LRBA: variants seen among roughly 807,000 people sequenced by gnomAD.
LRBA encodes lipopolysaccharide-responsive and beige-like anchor protein.
LRBA carries 176 observed loss-of-function variants against 330.0 expected under a neutral mutation model. That is an observed-to-expected ratio of 0.53 (90% CI 0.47 to 0.60). LRBA has a LOEUF of 0.60. Ranked by LOEUF, LRBA falls within the 20% of genes least tolerant of loss-of-function variation. The pLI is 0.00. For missense variants in LRBA, 3,259 were observed against 3,444.8 expected (o/e 0.95, Z 1.35); for synonymous variants, 1,230 against 1,193.0 (o/e 1.03, Z -0.64).
chr4:150,720,373 A>C (rs1582142248), intron 36 of LRBA, among the ~76,000 whole-genome samples: 1 of 152,288 alleles, frequency 6.6e-6, no homozygotes, highest in South Asian at 2.1e-4. Context: ...ACATAACAAA[A>C]ACATAATGCA....
At chr4:150,973,914 T>G (rs552656209) in intron 2 of LRBA, among the ~76,000 whole-genome samples, 3 of 152,180 alleles carry the variant, frequency 2.0e-5, no homozygotes, top group Non-Finnish European at 4.4e-5. Context: ...TCACTGCAAA[T>G]GAATCTATCA....
chr4:150,529,886 T>G (rs1167156240), intron 40 of LRBA, among the ~76,000 whole-genome samples: 1 of 152,138 alleles, frequency 6.6e-6, no homozygotes, highest in Admixed American at 6.5e-5. Flanking sequence ...ACTCAATAAT[T>G]TTTTTATTCT....
At chr4:150,475,115 G>C (rs1428996957) in intron 42 of LRBA, among the ~76,000 whole-genome samples, 3 of 152,146 alleles carry the variant, frequency 2.0e-5, no homozygotes, top group Non-Finnish European at 2.9e-5. Context: ...TGGCATTCCA[G>C]TGATAAAACC....
chr4:150,885,214 A>C (rs940966354), intron 17 of LRBA, among the ~76,000 whole-genome samples: 7 of 151,612 alleles, frequency 4.6e-5, no homozygotes, highest in Non-Finnish European at 8.8e-5. Context: ...AAAAAAAAAA[A>C]AAGGCACAGA....
At chr4:150,894,084 T>C (rs1361139670) in intron 16 of LRBA, among the ~76,000 whole-genome samples, 1 of 152,238 alleles carries the variant, frequency 6.6e-6, no homozygotes, top group Non-Finnish European at 1.5e-5. Context: ...CATGACTTTT[T>C]TTTAAGGAAG....
intron 46 of LRBA, among the ~76,000 whole-genome samples, chr4:150,432,179 A>T (rs1415047444): frequency 2.0e-5 from 3 of 152,046 alleles, no homozygotes; most frequent in Non-Finnish European, 4.4e-5. Context: ...GTTTTTGGAA[A>T]ATCTCACAAA....
intron 4 of LRBA, 111 bp downstream of exon 4, chr4:150,928,405 A>T: frequency 1.5e-6 from 1 of 669,066 alleles, no homozygotes; most frequent in East Asian, 2.7e-5. Flanking sequence ...TAATTAATCT[A>T]TTCAATTTGA....
At chr4:150,648,184 A>AAAAAAAAAAAAAAAAAAAAAAAAAG (rs1779378881) in intron 37 of LRBA, among the ~76,000 whole-genome samples, 1 of 149,066 alleles carries the variant, frequency 6.7e-6, no homozygotes, top group African/African-American at 2.4e-5. Flanking sequence ...AAAACTAGAA[A>AAAAAAAAAAAAAAAAAAAAAAAAAG]AGAGCGAGAT....
At chr4:150,560,718 G>A (rs1256578868) in intron 40 of LRBA, among the ~76,000 whole-genome samples, 2 of 152,172 alleles carry the variant, frequency 1.3e-5, no homozygotes, top group Admixed American at 6.5e-5. Flanking sequence ...CGGGCACAGT[G>A]GCTCATGCCT....
At chr4:150,901,127 G>C (rs987861029) in intron 13 of LRBA, among the ~76,000 whole-genome samples, 1 of 151,732 alleles carries the variant, frequency 6.6e-6, no homozygotes, top group Non-Finnish European at 1.5e-5. Flanking sequence ...GTGAAACTTC[G>C]TCTCTACCAA....
chr4:150,550,374 G>T (rs554893456), intron 40 of LRBA, among the ~76,000 whole-genome samples: 1 of 152,076 alleles, frequency 6.6e-6, no homozygotes, highest in African/African-American at 2.4e-5. Context: ...TATAGGGAAA[G>T]AACCAAAAAT....
chr4:150,877,213 G>A (rs964884720), intron 17 of LRBA, among the ~76,000 whole-genome samples: 4 of 149,330 alleles, frequency 2.7e-5, no homozygotes, highest in East Asian at 2.0e-4. Flanking sequence ...AGCAGAGATC[G>A]CGCCACTGCA....
intron 37 of LRBA, among the ~76,000 whole-genome samples, chr4:150,678,798 A>C (rs1241240098): frequency 1.3e-5 from 2 of 152,192 alleles, no homozygotes; most frequent in Admixed American, 1.3e-4. Context: ...ACTAGCTCCT[A>C]GGCATGGCTT....
At chr4:150,543,596 C>T (rs1432604182) in intron 40 of LRBA, among the ~76,000 whole-genome samples, 1 of 152,164 alleles carries the variant, frequency 6.6e-6, no homozygotes, top group African/African-American at 2.4e-5. Flanking sequence ...TCATTTGACA[C>T]ATAATCTCAC....
At position 150,639,789 on chromosome 4, in the gene LRBA, GTGTATATATATATA is replaced by G. The variant is rs1561457537; in HGVS notation, c.5922-40672_5922-40659del. On this transcript the variant is annotated intron_variant, in intron 37 of 56. Transcript: ENST00000651943. ...TATATATATATATATATATGTGTGT[GTGTATATATATATA>G]TATGTGTGTGTGTGTGTATATATAT... Among the ~76,000 whole-genome samples the G allele has an allele frequency of 1.4e-3, 9 of 6,656 alleles. 2 individuals are homozygous for G. Among genetic ancestry groups the G allele is most frequent in the Admixed American group, 3.7e-3 (2 of 534 alleles). The allele number at this position is 6,656 out of a possible 152,430, so 4.4% of individuals were successfully genotyped here.
At chr4:150,837,315 T>G (rs1337217448) in intron 28 of LRBA, among the ~76,000 whole-genome samples, 2 of 152,180 alleles carry the variant, frequency 1.3e-5, no homozygotes, top group Non-Finnish European at 2.9e-5. Flanking sequence ...TTAGGTCCAC[T>G]TGGTGCAGAG....
At chr4:150,886,301 T>C (rs1028186835) in intron 17 of LRBA, among the ~76,000 whole-genome samples, 1 of 152,164 alleles carries the variant, frequency 6.6e-6, no homozygotes, top group Admixed American at 6.5e-5. Flanking sequence ...AAAACTATGC[T>C]TCCAGTTAGA....
At chr4:150,896,252 C>G in intron 16 of LRBA, 142 bp downstream of exon 16, 1 of 495,516 alleles carries the variant, frequency 2.0e-6, no homozygotes, top group Non-Finnish European at 3.6e-6. Context: ...ATAAAGATTG[C>G]TAGGGCTTAG....
intron 34 of LRBA, among the ~76,000 whole-genome samples, chr4:150,788,784 CA>C (rs2126632534): frequency 7.5e-6 from 1 of 133,486 alleles, no homozygotes; most frequent in African/African-American, 2.8e-5. Flanking sequence ...AAAGAAAATT[CA>C]AAATCTAGGT....
Sources: allele counts gnomAD v4.1 joint callset (sites outside exome capture counted in the v4.1 genomes callset), GRCh38; gene constraint gnomAD v4.1.1; transcripts MANE v1.5; gene names NCBI Gene and HGNC (gene_info 2026-07-23, HGNC 2026-07-21).